Variants in B3GAT2 observed in about 807,000 individuals in gnomAD.
B3GAT2 encodes beta-1,3-glucuronyltransferase 2.
B3GAT2 carries 26 observed loss-of-function variants against 27.8 expected under a neutral mutation model. The observed-to-expected ratio is 0.93, with a 90% CI of 0.68 to 1.30. The LOEUF (loss-of-function observed/expected upper bound fraction) is 1.30. B3GAT2 is among the 50% of genes most tolerant of loss of function. The pLI is 0.00. For missense variants in B3GAT2, 458 were observed against 459.0 expected, an observed-to-expected ratio of 1.00 and a Z score of 0.02; for synonymous variants, 218 against 195.1, an observed-to-expected ratio of 1.12 and a Z score of -0.98.
At chr6:70,906,825 G>C (rs1772609647) in intron 1 of B3GAT2, among the ~76,000 whole-genome samples, 1 of 151,904 alleles carries the variant, frequency 6.6e-6, no homozygotes, top group Non-Finnish European at 1.5e-5. Context: ...AATACTGCTT[G>C]AAAAAAGAAT....
intron 2 of B3GAT2, among the ~76,000 whole-genome samples, chr6:70,870,951 A>G (rs147722184): frequency 6.6e-6 from 1 of 152,236 alleles, no homozygotes; most frequent in Non-Finnish European, 1.5e-5. Context: ...TAGTGTTTTT[A>G]TCATGAAAGA....
intron 1 of B3GAT2, among the ~76,000 whole-genome samples, chr6:70,897,574 A>AC (rs1772409574): frequency 6.6e-6 from 1 of 151,816 alleles, no homozygotes; most frequent in South Asian, 2.1e-4. Context: ...CCCCGTCTCT[A>AC]CTAAAAATAC....
At chr6:70,920,251 G>A (rs1039072505) in intron 1 of B3GAT2, among the ~76,000 whole-genome samples, 6 of 152,188 alleles carry the variant, frequency 3.9e-5, no homozygotes, top group Admixed American at 1.3e-4. Flanking sequence ...GGAATCTTCC[G>A]GTCTGCCTGT....
At position 70,956,743 on chromosome 6, in the gene B3GAT2, C is replaced by A. The variant is rs1298506905; in HGVS notation, c.-314G>T. 2 of 1,271,176 alleles carry A rather than the reference C, an allele frequency of 1.6e-6. No individual in the cohort carries two copies. The highest frequency in any genetic ancestry group is 9.9e-7 in the Non-Finnish European group (1 of 1,005,650). The allele number at this position is 1,271,176 out of a possible 1,614,324, so 78.7% of individuals were successfully genotyped here. The stretch of plus-strand genomic sequence containing the variant: ...GCCGGTCCCGGAGTTGTGCCGAGTG[C>A]GGGAAAGGCGCTGATCCCCACCGCG... On this transcript the variant is annotated 5_prime_UTR_variant, in exon 1 of 4. Coordinates refer to ENST00000230053, the MANE Select transcript of B3GAT2 (RefSeq NM_080742.3).
rs1188475410 is a variant in B3GAT2 at position 70,858,871 on chromosome 6, A to T, written c.*2792T>A. On this transcript the variant is annotated 3_prime_UTR_variant, in exon 4 of 4. Coordinates refer to ENST00000230053, the MANE Select transcript of B3GAT2 (RefSeq NM_080742.3). ...TCAATTCCCATAAGGTGTGAACCAG[A>T]CATCCCCTCATATTATAAAATCCTA... is the stretch of plus-strand genomic sequence containing the variant. The T allele has an allele frequency of 6.5e-6, 1 of 153,294 alleles. No homozygotes were observed. The highest frequency in any genetic ancestry group is 1.5e-5 in the Non-Finnish European group (1 of 68,796). The allele number at this position is 153,294 out of a possible 1,614,324, so 9.5% of individuals were successfully genotyped here. A position where few individuals can be genotyped will look rare whatever the true frequency, so the allele number is the denominator to read the frequency against.
intron 1 of B3GAT2, among the ~76,000 whole-genome samples, chr6:70,943,732 C>T (rs1036583967): frequency 1.3e-5 from 2 of 151,944 alleles, no homozygotes; most frequent in African/African-American, 4.8e-5. Flanking sequence ...ATCAAATGGT[C>T]TATAAATCAG....
chr6:70,935,596 G>A (rs1765257444), intron 1 of B3GAT2, among the ~76,000 whole-genome samples: 1 of 152,068 alleles, frequency 6.6e-6, no homozygotes, highest in Non-Finnish European at 1.5e-5. Context: ...CATTACAAAT[G>A]TCAACATTTA....
intron 1 of B3GAT2, among the ~76,000 whole-genome samples, chr6:70,913,395 T>A (rs1355511625): frequency 2.0e-5 from 3 of 152,242 alleles, no homozygotes; most frequent in Admixed American, 2.0e-4. Flanking sequence ...TATTTTCGTA[T>A]ATTTTATCTT....
At chr6:70,881,844 CTCTG>C (rs914434509) in intron 2 of B3GAT2, among the ~76,000 whole-genome samples, 1 of 152,206 alleles carries the variant, frequency 6.6e-6, no homozygotes, top group African/African-American at 2.4e-5. Context: ...GATCCCCCTC[CTCTG>C]TCTGTCTGTC....
chr6:70,929,690 A>C (rs1286491891), intron 1 of B3GAT2, among the ~76,000 whole-genome samples: 1 of 152,216 alleles, frequency 6.6e-6, no homozygotes, highest in Non-Finnish European at 1.5e-5. Context: ...CAATGAAATA[A>C]AAGAGGACAA....
intron 2 of B3GAT2, among the ~76,000 whole-genome samples, chr6:70,887,929 G>C (rs1212818333): frequency 6.6e-6 from 1 of 152,172 alleles, no homozygotes; most frequent in East Asian, 1.9e-4. Context: ...TAGTAAGGTG[G>C]GCAGGGGTGG....
At chr6:70,882,048 C>T (rs2150026947) in intron 2 of B3GAT2, among the ~76,000 whole-genome samples, 1 of 152,266 alleles carries the variant, frequency 6.6e-6, no homozygotes, top group Admixed American at 6.5e-5. Context: ...AACCCTCAAC[C>T]ATTCTGGATA....
chr6:70,862,176 G>A lies in B3GAT2; in HGVS notation c.737-198C>T, dbSNP rs144134047. On this transcript the variant is annotated intron_variant, in intron 2 of 3. Coordinates refer to ENST00000230053, the MANE Select transcript of B3GAT2 (RefSeq NM_080742.3). The stretch of plus-strand genomic sequence containing the variant: ...CAGTCATTACAATATTTTACATTCC[G>A]TGTAAAATAAAGGCGTGCACAGGAG... Among the ~76,000 whole-genome samples, 222 of 152,172 alleles carry A rather than the reference G, an allele frequency of 1.5e-3. 1 individual carries two copies. Among genetic ancestry groups the A allele is most frequent in the Non-Finnish European group, 2.6e-3 (177 of 68,010 alleles).
chr6:70,858,076 G>A lies in B3GAT2; in HGVS notation c.*3587C>T. ...CAAGCATGATGGTGGGCATGCCCAT[G>A]CCCAATGGGTTTATGGGAAATGCAC... is the stretch of plus-strand genomic sequence containing the variant. On this transcript the variant is annotated 3_prime_UTR_variant, in exon 4 of 4. Coordinates refer to ENST00000230053, the MANE Select transcript of B3GAT2 (RefSeq NM_080742.3). The A allele has an allele frequency of 6.2e-7, 1 of 1,614,078 alleles. No individual in the cohort carries two copies. The highest frequency in any genetic ancestry group is 8.5e-7 in the Non-Finnish European group (1 of 1,180,002).
chr6:70,880,908 A>G (rs2150026629), intron 2 of B3GAT2, among the ~76,000 whole-genome samples: 1 of 152,176 alleles, frequency 6.6e-6, no homozygotes, highest in Admixed American at 6.5e-5. Context: ...GCCTCAAACG[A>G]TTCTCCTGCC....
At chr6:70,924,642 T>C (rs1490107045) in intron 1 of B3GAT2, among the ~76,000 whole-genome samples, 2 of 152,176 alleles carry the variant, frequency 1.3e-5, no homozygotes, top group Non-Finnish European at 2.9e-5. Flanking sequence ...GAGAAAATTA[T>C]GACAGTGAAG....
intron 1 of B3GAT2, among the ~76,000 whole-genome samples, chr6:70,929,818 T>C (rs182853257): frequency 5.3e-4 from 80 of 152,304 alleles, no homozygotes; most frequent in African/African-American, 1.9e-3. Context: ...CCAATGACTT[T>C]CTTCACATAA....
At chr6:70,941,849 C>CA (rs1447247796) in intron 1 of B3GAT2, among the ~76,000 whole-genome samples, 1 of 152,136 alleles carries the variant, frequency 6.6e-6, no homozygotes, top group Non-Finnish European at 1.5e-5. Flanking sequence ...CTGCTCTGGA[C>CA]ACTACAGATA....
At chr6:70,936,448 A>C (rs899914000) in intron 1 of B3GAT2, among the ~76,000 whole-genome samples, 2 of 152,142 alleles carry the variant, frequency 1.3e-5, no homozygotes, top group African/African-American at 4.8e-5. Flanking sequence ...AACAGAAAAT[A>C]CATTTTTTTC....
Sources: allele counts gnomAD v4.1 joint callset (sites outside exome capture counted in the v4.1 genomes callset), GRCh38; gene constraint gnomAD v4.1.1; transcripts MANE v1.5; gene names NCBI Gene and HGNC (gene_info 2026-07-23, HGNC 2026-07-21).